PRKN: variants seen among roughly 807,000 people sequenced by gnomAD.
PRKN encodes E3 ubiquitin-protein ligase parkin.
A neutral mutation model predicts 59.5 loss-of-function variants in PRKN; 56 were observed. The observed-to-expected ratio is 0.94, with a 90% CI of 0.76 to 1.18. The LOEUF is 1.18. Among genes scored for constraint, PRKN ranks in the 50% most tolerant of loss-of-function variants. The probability of loss-of-function intolerance (pLI) is 0.00; values close to 1 mark genes in which losing one functional copy is unlikely to be tolerated. For missense variants in PRKN, 657 were observed against 596.4 expected, an observed-to-expected ratio of 1.10 and a Z score of -1.06; for synonymous variants, 250 against 222.1, an observed-to-expected ratio of 1.13 and a Z score of -1.12.
intron 5 of PRKN, among the ~76,000 whole-genome samples, chr6:162,023,920 T>A (rs563288530): frequency 6.6e-6 from 1 of 152,288 alleles, no homozygotes; most frequent in East Asian, 1.9e-4. Context: ...TTTGAAATCA[T>A]GTAATGTAAT....
At chr6:162,159,887 A>C (rs760585759) in intron 4 of PRKN, among the ~76,000 whole-genome samples, 1 of 152,196 alleles carries the variant, frequency 6.6e-6, no homozygotes, top group Non-Finnish European at 1.5e-5. Flanking sequence ...GGATCAATTA[A>C]ATTGATCTGA....
chr6:162,286,485 A>G (rs1781198955), intron 2 of PRKN, among the ~76,000 whole-genome samples: 2 of 152,172 alleles, frequency 1.3e-5, no homozygotes, highest in Admixed American at 1.3e-4. Context: ...GCCCACTGGC[A>G]TTATACATGC....
chr6:162,580,440 G>GAAAAAA (rs56059992), intron 1 of PRKN, among the ~76,000 whole-genome samples: 8 of 120,606 alleles, frequency 6.6e-5, no homozygotes, highest in Middle Eastern at 4.2e-3. Context: ...CCCTGTCTCA[G>GAAAAAA]AAAAAAAAAA....
intron 6 of PRKN, among the ~76,000 whole-genome samples, chr6:161,915,403 C>T (rs1778517542): frequency 6.6e-6 from 1 of 152,170 alleles, no homozygotes; most frequent in South Asian, 2.1e-4. Flanking sequence ...GAATCATATT[C>T]ACTCTTAACC....
chr6:161,511,727 G>A (rs999251511), intron 9 of PRKN, among the ~76,000 whole-genome samples: 1 of 151,996 alleles, frequency 6.6e-6, no homozygotes, highest in Non-Finnish European at 1.5e-5. Flanking sequence ...CTAAATTGCA[G>A]CATTCCAAGG....
intron 4 of PRKN, among the ~76,000 whole-genome samples, chr6:162,060,518 GT>G (rs1024025634): frequency 6.6e-6 from 1 of 152,168 alleles, no homozygotes; most frequent in Non-Finnish European, 1.5e-5. Flanking sequence ...TAACATGTGG[GT>G]TTTAAAATTT....
intron 4 of PRKN, among the ~76,000 whole-genome samples, chr6:162,127,071 T>C (rs1781154795): frequency 6.6e-6 from 1 of 152,244 alleles, no homozygotes; most frequent in African/African-American, 2.4e-5. Context: ...TTTTACATTA[T>C]TGATTTCTAA....
At chr6:162,177,980 C>T (rs1208679560) in intron 4 of PRKN, among the ~76,000 whole-genome samples, 1 of 152,284 alleles carries the variant, frequency 6.6e-6, no homozygotes, top group South Asian at 2.1e-4. Flanking sequence ...GCCTACCAAG[C>T]TCTGAAACAC....
At chr6:161,464,573 T>C (rs1056997265) in intron 9 of PRKN, among the ~76,000 whole-genome samples, 1 of 152,224 alleles carries the variant, frequency 6.6e-6, no homozygotes, top group Non-Finnish European at 1.5e-5. Flanking sequence ...CTCACGCCCA[T>C]CTGCAGTCAA....
chr6:162,058,808 T>TG (rs138407625), intron 4 of PRKN, among the ~76,000 whole-genome samples: 17,816 of 151,694 alleles, frequency 0.12, 1,131 homozygotes, highest in Non-Finnish European at 0.13. Flanking sequence ...AAAAATTAGC[T>TG]GGGCATGGTG....
intron 1 of PRKN, chr6:162,569,231 G>A (rs1583824115): frequency 3.5e-6 from 2 of 574,640 alleles, no homozygotes; most frequent in Admixed American, 2.3e-5. Context: ...CCAGCCCCAG[G>A]CTGAGACTGA....
Position 161,395,145 on chromosome 6 carries a change from T to C in PRKN, c.1084-8268A>G, listed in dbSNP as rs1786699139. 6.6e-6 allele frequency among the ~76,000 whole-genome samples: 1 copy of C among 152,166 alleles called. No individual in the cohort carries two copies. Among genetic ancestry groups the C allele is most frequent in the South Asian group, 2.1e-4 (1 of 4,830 alleles). On this transcript the variant is annotated intron_variant, in intron 9 of 11. Transcript: ENST00000366898. The surrounding 1 kb of genome is among the most constrained non-coding windows in gnomAD (Gnocchi z 5.0). The stretch of plus-strand genomic sequence containing the variant: ...AGACAATCACTGTCACCTGTTTGTA[T>C]AGGTATTGTTCCAGAAATATGTTCT...
rs1784880322 is a variant in PRKN, at chr6:161,359,114, G to A, written c.1285+974C>T. ...CGGCCGCCTTCTGCTCTTTATAGGT[G>A]CATGCCAATCCCTTCATTTTCTAGG... is the stretch of plus-strand genomic sequence containing the variant. On this transcript the variant is annotated intron_variant, in intron 11 of 11. Coordinates refer to ENST00000366898, the MANE Select transcript of PRKN (RefSeq NM_004562.3). The surrounding 1 kb of genome is among the most constrained non-coding windows in gnomAD (Gnocchi z 5.4). Among the ~76,000 whole-genome samples the A allele has an allele frequency of 6.6e-6, 1 of 152,054 alleles. No homozygotes were observed. The highest frequency in any genetic ancestry group is 2.4e-5 in the African/African-American group (1 of 41,412).
intron 1 of PRKN, among the ~76,000 whole-genome samples, chr6:162,604,931 T>C (rs1477639308): frequency 1.3e-5 from 2 of 152,146 alleles, no homozygotes; most frequent in Non-Finnish European, 2.9e-5. Flanking sequence ...TTCACATAAA[T>C]GCAATAACCT....
At chr6:162,075,983 T>C (rs1008032260) in intron 4 of PRKN, among the ~76,000 whole-genome samples, 4 of 121,562 alleles carry the variant, frequency 3.3e-5, no homozygotes, top group African/African-American at 6.2e-5. Context: ...TTTTTTTTTT[T>C]TTTAAGACAG....
At chr6:161,642,245 A>C (rs1783771022) in intron 7 of PRKN, among the ~76,000 whole-genome samples, 1 of 152,338 alleles carries the variant, frequency 6.6e-6, no homozygotes, top group South Asian at 2.1e-4. Context: ...CCATAAATGT[A>C]ATCAATATGG....
rs569836548 is a variant in PRKN at position 161,709,549 on chromosome 6, G to A, written c.871+76223C>T. On this transcript the variant is annotated intron_variant, in intron 7 of 11. Coordinates refer to ENST00000366898, the MANE Select transcript of PRKN (RefSeq NM_004562.3). ...AGTACAATTCTAACCTTTGTTCTAA[G>A]CATACAAATACTACATTTTGAAAGA... is the stretch of plus-strand genomic sequence containing the variant. Among the ~76,000 whole-genome samples the A allele has an allele frequency of 4.6e-5, 7 of 152,204 alleles. No homozygotes were observed. In the South Asian group the frequency reaches 1.2e-3, roughly 27 times the overall value.
chr6:162,501,763 C>G (rs1583680290), intron 1 of PRKN, among the ~76,000 whole-genome samples: 1 of 152,156 alleles, frequency 6.6e-6, no homozygotes, highest in South Asian at 2.1e-4. Context: ...AGAACCAACG[C>G]TTACATTAAT....
At position 161,592,569 on chromosome 6, in the gene PRKN, T is replaced by C. The variant is rs1375538192; in HGVS notation, c.872-23153A>G. On this transcript the variant is annotated intron_variant, in intron 7 of 11. Transcript: ENST00000366898. This position sits in a 1 kb window ranked among gnomAD's most constrained non-coding sequence, Gnocchi z 4.8. ...TACAGACGATTAGACACAGTTCCTA[T>C]GCTCAGGGGATTTACACTCCACTAG... is the stretch of plus-strand genomic sequence containing the variant. Among the ~76,000 whole-genome samples the C allele has an allele frequency of 6.6e-6, 1 of 152,124 alleles. No individual in the cohort carries two copies. The highest frequency in any genetic ancestry group is 6.5e-5 in the Admixed American group (1 of 15,278).
Sources: allele counts gnomAD v4.1 joint callset (sites outside exome capture counted in the v4.1 genomes callset), GRCh38; gene constraint gnomAD v4.1.1; non-coding constraint Gnocchi (gnomAD v3.1); transcripts MANE v1.5; gene names NCBI Gene and HGNC (gene_info 2026-07-23, HGNC 2026-07-21).